PCBP3: variants seen among roughly 807,000 people sequenced by gnomAD.
PCBP3 encodes the protein poly(rC) binding protein 3.
PCBP3 carries 25 observed loss-of-function variants against 52.7 expected under a neutral mutation model. The observed-to-expected ratio is 0.47, with a 90% CI of 0.35 to 0.66. The LOEUF (loss-of-function observed/expected upper bound fraction) is 0.66, where lower values mean the gene tolerates loss of function less well. PCBP3 is among the 30% of genes least tolerant of loss of function. PCBP3 has a pLI of 0.01. For synonymous variants in PCBP3, 162 were observed against 183.0 expected, an observed-to-expected ratio of 0.89 and a Z score of 0.93; for missense variants, 391 against 490.3, an observed-to-expected ratio of 0.80 and a Z score of 1.91.
intron 1 of PCBP3, among the ~76,000 whole-genome samples, chr21:45,648,463 G>T (rs1301248487): frequency 6.6e-6 from 1 of 152,174 alleles, no homozygotes; most frequent in Non-Finnish European, 1.5e-5. Context: ...TCTCTCAGCA[G>T]CTTCCACAGC....
At position 45,736,666 on chromosome 21, in the gene PCBP3, C is replaced by T. The variant is rs2085891612; in HGVS notation, c.-162+1237C>T. On this transcript the variant is annotated intron_variant, in intron 3 of 17. Transcript: ENST00000681687. The surrounding 1 kb of genome is among the most constrained non-coding windows in gnomAD (Gnocchi z 4.6). ...CCTAGGTGCTTAGGCTTGCAGGTGA[C>T]TGGAATCCTGACTAATATCATAAGA... Among the ~76,000 whole-genome samples, 1 of 152,134 alleles carries T rather than the reference C, an allele frequency of 6.6e-6. No homozygotes were observed. The highest frequency in any genetic ancestry group is 1.5e-5 in the Non-Finnish European group (1 of 68,010).
intron 2 of PCBP3, among the ~76,000 whole-genome samples, chr21:45,680,965 G>A (rs1414899285): frequency 6.6e-6 from 1 of 152,142 alleles, no homozygotes; most frequent in Non-Finnish European, 1.5e-5. Context: ...CAAGATCAAG[G>A]TCCCAGCATT....
chr21:45,734,517 C>T (rs1569162959), intron 2 of PCBP3, among the ~76,000 whole-genome samples: 2 of 152,170 alleles, frequency 1.3e-5, no homozygotes, highest in African/African-American at 2.4e-5. Flanking sequence ...AGGCCCAGCC[C>T]ACCGACTTCC....
chr21:45,684,330 T>A (rs1201336778), intron 2 of PCBP3, among the ~76,000 whole-genome samples: 1 of 152,156 alleles, frequency 6.6e-6, no homozygotes, highest in East Asian at 1.9e-4. Flanking sequence ...GATGGTGCCA[T>A]TGGTAAGGAA....
intron 4 of PCBP3, among the ~76,000 whole-genome samples, chr21:45,846,198 C>T (rs1251373031): frequency 6.6e-6 from 1 of 152,130 alleles, no homozygotes; most frequent in Admixed American, 6.5e-5. Context: ...AATTTAGGGA[C>T]TTGTTAGGGA....
intron 4 of PCBP3, among the ~76,000 whole-genome samples, chr21:45,815,972 ATGAGTGGTGAGTGGTGAG>A (rs1310141867): frequency 1.0e-4 from 4 of 39,338 alleles, no homozygotes; most frequent in Admixed American, 2.6e-4. Flanking sequence ...GTAGTGAGTG[ATGAGTGGTGAGTGGTGAG>A]TGAGTGGTGA....
intron 4 of PCBP3, chr21:45,828,490 A>G (rs1376124790): frequency 5.9e-5 from 9 of 152,170 alleles, no homozygotes; most frequent in Admixed American, 5.9e-4. Context: ...CGCACTTTCC[A>G]GTGGAGCTGA....
intron 9 of PCBP3, 87 bp downstream of exon 9, chr21:45,901,200 G>A (rs2096025482): frequency 1.1e-6 from 1 of 932,850 alleles, no homozygotes; most frequent in African/African-American, 1.6e-5. Flanking sequence ...CCTACACCTG[G>A]ACTAGGGGAT....
intron 2 of PCBP3, among the ~76,000 whole-genome samples, chr21:45,713,233 A>G (rs2083971615): frequency 6.6e-6 from 1 of 152,204 alleles, no homozygotes; most frequent in Admixed American, 6.5e-5. Context: ...TATCTTCCAG[A>G]TAAAGCACCG....
intron 4 of PCBP3, among the ~76,000 whole-genome samples, chr21:45,814,578 GTGAGTGA>G (rs1337643591): frequency 3.0e-5 from 4 of 134,164 alleles, no homozygotes; most frequent in African/African-American, 5.7e-5. Flanking sequence ...GTGGTGAGTG[GTGAGTGA>G]TGAGTGGTGA....
intron 12 of PCBP3, chr21:45,916,772 C>G (rs185342731): frequency 3.3e-5 from 5 of 152,294 alleles, no homozygotes; most frequent in Non-Finnish European, 7.3e-5. Flanking sequence ...GTCCCGAGTC[C>G]TGACAGCTGT....
intron 5 of PCBP3, chr21:45,859,636 A>G (rs2094438593): frequency 6.6e-6 from 1 of 152,344 alleles, no homozygotes; most frequent in Non-Finnish European, 1.5e-5. Flanking sequence ...GGCAGCCGTC[A>G]GTGTGATGGG....
At chr21:45,761,892 C>T (rs118069956) in intron 4 of PCBP3, 2,560 of 152,420 alleles carry the variant, frequency 0.017, 42 homozygotes, top group Non-Finnish European at 0.026. Flanking sequence ...AGCTGCCCAG[C>T]GCAGCTCCCG....
At chr21:45,814,907 G>GTGGTGAGTGAC (rs2092826727) in intron 4 of PCBP3, among the ~76,000 whole-genome samples, 1 of 138,596 alleles carries the variant, frequency 7.2e-6, no homozygotes, top group Non-Finnish European at 1.6e-5. Flanking sequence ...TGGTGAGTGA[G>GTGGTGAGTGAC]TGGTGAGTGA....
intron 6 of PCBP3, among the ~76,000 whole-genome samples, chr21:45,896,948 G>T (rs35639222): frequency 1.1e-5 from 1 of 89,332 alleles, no homozygotes; most frequent in African/African-American, 4.9e-5. Context: ...ACATAGAACC[G>T]GAGATGCACT....
intron 1 of PCBP3, among the ~76,000 whole-genome samples, chr21:45,661,312 C>T (rs1441086971): frequency 6.6e-6 from 1 of 152,060 alleles, no homozygotes; most frequent in Admixed American, 6.5e-5. Context: ...CTCTCACCCT[C>T]CCACCTTTCC....
intron 4 of PCBP3, among the ~76,000 whole-genome samples, chr21:45,768,570 T>G (rs1389443723): frequency 1.3e-5 from 2 of 152,236 alleles, no homozygotes; most frequent in Non-Finnish European, 2.9e-5. Context: ...CAACTTGATT[T>G]AGTGTAGTAC....
At chr21:45,710,530 C>T (rs1222167508) in intron 2 of PCBP3, among the ~76,000 whole-genome samples, 1 of 152,130 alleles carries the variant, frequency 6.6e-6, no homozygotes, top group East Asian at 1.9e-4. Context: ...GTATATGTGC[C>T]ACATTTTCTT....
chr21:45,831,703 A>AAATT (rs1569284042), intron 4 of PCBP3, among the ~76,000 whole-genome samples: 1 of 151,618 alleles, frequency 6.6e-6, no homozygotes, highest in East Asian at 1.9e-4. Flanking sequence ...AAGTGAAAGC[A>AAATT]AGTTAGTTAG....
Sources: gnomAD v4.1 joint callset for allele counts (sites outside exome capture counted in the v4.1 genomes callset) on GRCh38, gnomAD v4.1.1 for gene constraint, Gnocchi (gnomAD v3.1) non-coding constraint, MANE v1.5 for transcripts, NCBI Gene and HGNC (gene_info 2026-07-23, HGNC 2026-07-21) for gene names.